Variants in SAMD5 observed in about 807,000 individuals in gnomAD.
SAMD5 encodes sterile alpha motif domain-containing protein 5.
In SAMD5, 13 loss-of-function variants were observed where a neutral mutation model predicts 11.3. That is an observed-to-expected ratio of 1.15 (90% confidence interval 0.75 to 1.83). The LOEUF is 1.83. Among genes scored for constraint, SAMD5 ranks in the 40% most tolerant of loss-of-function variants. The probability of loss-of-function intolerance (pLI) is 0.00; values close to 1 mark genes in which losing one functional copy is unlikely to be tolerated. For synonymous variants in SAMD5, 129 were observed against 111.3 expected (o/e 1.16, Z -1.00); for missense variants, 255 against 239.1 (o/e 1.07, Z -0.44).
At chr6:147,524,582 G>A (rs117353604) in intron 1 of SAMD5, among the ~76,000 whole-genome samples, 1 of 152,160 alleles carries the variant, frequency 6.6e-6, no homozygotes, top group East Asian at 1.9e-4. Flanking sequence ...TCACAGTTAT[G>A]TCTGCCATTC....
At chr6:147,547,755 A>T (rs1211551771) in intron 1 of SAMD5, among the ~76,000 whole-genome samples, 5 of 152,176 alleles carry the variant, frequency 3.3e-5, no homozygotes, top group Admixed American at 3.3e-4. Flanking sequence ...GGGATTACAC[A>T]AGAAGAGGAA....
rs143912747 is a variant in SAMD5 at position 147,669,496 on chromosome 6, C to T, written c.163-67821C>T. On this transcript the variant is annotated intron_variant, in intron 1 of 1. Coordinates refer to the SAMD5 transcript ENST00000566741. ...AGGCTGGAGTGCAGTGTCATGGTCTCGGCTCACTGCAACCTCTGCTTCCTG... is the reference window on the plus strand; with the variant it reads ...AGGCTGGAGTGCAGTGTCATGGTCTTGGCTCACTGCAACCTCTGCTTCCTG... Among the ~76,000 whole-genome samples, 36 of 138,218 alleles carry T rather than the reference C, an allele frequency of 2.6e-4. No individual in the cohort carries two copies. In the East Asian group the frequency reaches 4.2e-3, roughly 16 times the overall value. 90.7% of individuals were successfully genotyped at this position (138,218 alleles called of 152,430 possible). A position where few individuals can be genotyped will look rare whatever the true frequency, so the allele number is the denominator to read the frequency against.
At chr6:147,807,753 TCTTA>T in the SAMD5 span, among the ~76,000 whole-genome samples, 2 of 152,192 alleles carry the variant, frequency 1.3e-5, no homozygotes, top group Non-Finnish European at 2.9e-5. Context: ...CTTTCGTGTG[TCTTA>T]CTTGTGTCTC....
intron 1 of SAMD5, among the ~76,000 whole-genome samples, chr6:147,684,605 C>T (rs1310411170): frequency 6.6e-6 from 1 of 152,152 alleles, no homozygotes; most frequent in Admixed American, 6.6e-5. Flanking sequence ...TTCTTTGCAT[C>T]CTGGCTAACA....
At chr6:147,794,867 G>A in the SAMD5 span, among the ~76,000 whole-genome samples, 6 of 152,054 alleles carry the variant, frequency 3.9e-5, no homozygotes, top group South Asian at 2.1e-4. Flanking sequence ...TACTAATACC[G>A]AAAGCTTTGA....
At chr6:147,654,965 GTGATCAGGACCATGAGTGA>G (rs1790544491) in intron 1 of SAMD5, among the ~76,000 whole-genome samples, 1 of 152,146 alleles carries the variant, frequency 6.6e-6, no homozygotes. Context: ...ATGAACCCAA[GTGATCAGGACCATGAGTGA>G]TGATTCACCA....
At chr6:147,573,209 T>A (rs1283753105), downstream of SAMD5, among the ~76,000 whole-genome samples, 1 of 152,198 alleles carries the variant, frequency 6.6e-6, no homozygotes, top group East Asian at 1.9e-4. Flanking sequence ...TATTAGTCCA[T>A]TCTCACACTG....
At chr6:147,946,006 G>A in the SAMD5 span, among the ~76,000 whole-genome samples, 2 of 152,256 alleles carry the variant, frequency 1.3e-5, no homozygotes, top group African/African-American at 4.8e-5. Context: ...TGCTTTTTCA[G>A]CTTTTCTTCC....
At chr6:147,517,369 C>T (rs1033251141) in intron 1 of SAMD5, among the ~76,000 whole-genome samples, 1 of 152,102 alleles carries the variant, frequency 6.6e-6, no homozygotes, top group Non-Finnish European at 1.5e-5. Flanking sequence ...CTTATGTAAG[C>T]GCTCACCTGT....
At chr6:147,945,020 A>G in the SAMD5 span, among the ~76,000 whole-genome samples, 1 of 152,176 alleles carries the variant, frequency 6.6e-6, no homozygotes, top group African/African-American at 2.4e-5. Flanking sequence ...TGCCAATTGC[A>G]TCTAAACTCC....
intron 1 of SAMD5, among the ~76,000 whole-genome samples, chr6:147,585,029 A>C (rs1789354232): frequency 6.6e-6 from 1 of 151,776 alleles, no homozygotes; most frequent in Non-Finnish European, 1.5e-5. Flanking sequence ...CTCTTCTATA[A>C]ATTGTACCCA....
intron 1 of SAMD5, among the ~76,000 whole-genome samples, chr6:147,623,860 C>CT (rs893535104): frequency 5.3e-5 from 8 of 151,234 alleles, no homozygotes; most frequent in East Asian, 3.9e-4. Flanking sequence ...TTATTTTAGT[C>CT]TTTTTTTTTA....
At chr6:147,668,798 C>T (rs10214857) in intron 1 of SAMD5, among the ~76,000 whole-genome samples, 12,304 of 152,076 alleles carry the variant, frequency 0.081, 672 homozygotes, top group African/African-American at 0.15. Context: ...GAGCCAACAT[C>T]GCCTGGGAGA....
At chr6:147,570,859 T>C (rs1170177415), downstream of SAMD5, among the ~76,000 whole-genome samples, 2 of 152,108 alleles carry the variant, frequency 1.3e-5, no homozygotes, top group African/African-American at 4.8e-5. Context: ...AGGAGTGAGT[T>C]TGTGGCATGC....
chr6:147,616,412 C>T (rs993922246), intron 1 of SAMD5, among the ~76,000 whole-genome samples: 1 of 151,632 alleles, frequency 6.6e-6, no homozygotes, highest in Admixed American at 6.6e-5. Context: ...GTTCCCCTCC[C>T]TCCCTCTTTT....
At chr6:147,593,162 A>G (rs1789480876) in intron 1 of SAMD5, among the ~76,000 whole-genome samples, 1 of 152,136 alleles carries the variant, frequency 6.6e-6, no homozygotes, top group Non-Finnish European at 1.5e-5. Context: ...TTGCTCATTT[A>G]TTCACTCATT....
chr6:147,547,362 A>G (rs1788702365), intron 1 of SAMD5, among the ~76,000 whole-genome samples: 1 of 152,186 alleles, frequency 6.6e-6, no homozygotes, highest in Non-Finnish European at 1.5e-5. Context: ...CGGGGCTCCT[A>G]TCTGGAGGTT....
At chr6:147,932,856 G>C in the SAMD5 span, among the ~76,000 whole-genome samples, 1 of 152,096 alleles carries the variant, frequency 6.6e-6, no homozygotes, top group African/African-American at 2.4e-5. Context: ...TTCGATGACT[G>C]ATGTGCTTTT....
At chr6:147,577,627 A>G (rs562475816) in intron 1 of SAMD5, among the ~76,000 whole-genome samples, 150 of 152,280 alleles carry the variant, frequency 9.9e-4, no homozygotes, top group Non-Finnish European at 1.9e-3. Context: ...TTGAAGAATA[A>G]GTAAATATAT....
Sources: allele counts gnomAD v4.1 joint callset (sites outside exome capture counted in the v4.1 genomes callset), GRCh38; gene constraint gnomAD v4.1.1; transcripts MANE v1.5; gene names NCBI Gene and HGNC (gene_info 2026-07-23, HGNC 2026-07-21).